Variants in UTRN observed in about 807,000 individuals in gnomAD.
UTRN encodes the protein dystrophin-related protein 1.
In UTRN, 283 loss-of-function variants were observed where a neutral mutation model predicts 463.9. The observed-to-expected ratio is 0.61, with a 90% confidence interval of 0.55 to 0.67. The LOEUF is 0.67. UTRN is among the 30% of genes least tolerant of loss of function. The pLI, the probability that UTRN is intolerant of heterozygous loss-of-function variation, is 0.00. For synonymous variants in UTRN, 1,442 were observed against 1,431.5 expected, an observed-to-expected ratio of 1.01 and a Z score of -0.17; for missense variants, 3,922 against 4,084.3, an observed-to-expected ratio of 0.96 and a Z score of 1.08.
chr6:144,751,609 C>T lies in UTRN; in HGVS notation c.8209-197C>T, dbSNP rs562108736. ...CAGCTCTCCATATATATATGGGTTTCGCATCCTGCAAATACTGTATTTTCC... is the reference window on the plus strand; with the variant it reads ...CAGCTCTCCATATATATATGGGTTTTGCATCCTGCAAATACTGTATTTTCC... On this transcript the variant is annotated intron_variant, in intron 55 of 74. Transcript: ENST00000367545. 2.1e-3 allele frequency among the ~76,000 whole-genome samples: 319 copies of T among 152,184 alleles called. 1 individual carries two copies. The highest frequency in any genetic ancestry group is 7.3e-3 in the African/African-American group (302 of 41,534).
chr6:144,638,952 G>A (rs1777485947), intron 51 of UTRN, among the ~76,000 whole-genome samples: 1 of 152,158 alleles, frequency 6.6e-6, no homozygotes, highest in Non-Finnish European at 1.5e-5. Context: ...GCTCATGCCT[G>A]TAGTCCTAGC....
At chr6:144,522,979 T>C (rs1483756748) in intron 40 of UTRN, 37 bp from the exon 41 acceptor site, 3 of 1,463,466 alleles carry the variant, frequency 2.0e-6, no homozygotes, top group Non-Finnish European at 2.7e-6. Context: ...TTTGTTACTT[T>C]GCTGGATTTT....
chr6:144,414,658 A>G (rs928677541), intron 3 of UTRN, among the ~76,000 whole-genome samples: 5 of 151,564 alleles, frequency 3.3e-5, no homozygotes, highest in Admixed American at 6.6e-5. Context: ...ACCCAGAGCA[A>G]TTTCTAGTCC....
At chr6:144,383,710 G>A (rs1412447126) in intron 2 of UTRN, among the ~76,000 whole-genome samples, 1 of 152,198 alleles carries the variant, frequency 6.6e-6, no homozygotes, top group Non-Finnish European at 1.5e-5. Context: ...GATTAATCTT[G>A]TAAGTGAGAA....
rs1202066063 is a variant in UTRN at position 144,852,228 on chromosome 6, A to T, written c.*1231A>T. 6.6e-6 allele frequency: 1 copy of T among 152,168 alleles called. No homozygotes were observed. The highest frequency in any genetic ancestry group is 1.5e-5 in the Non-Finnish European group (1 of 68,020). The allele number at this position is 152,168 out of a possible 1,614,324, so 9.4% of individuals were successfully genotyped here. A position where few individuals can be genotyped will look rare whatever the true frequency, so the allele number is the denominator to read the frequency against. On this transcript the variant is annotated 3_prime_UTR_variant, in exon 75 of 75. Transcript: ENST00000367545. The stretch of plus-strand genomic sequence containing the variant: ...CTGCTTCTACAGAAGAATGAAATTA[A>T]TGCTTAGGTGATGGTACCTCCACCT...
chr6:144,586,595 A>G (rs1163266880), intron 51 of UTRN, among the ~76,000 whole-genome samples: 1 of 152,154 alleles, frequency 6.6e-6, no homozygotes, highest in Non-Finnish European at 1.5e-5. Flanking sequence ...TTACGTGATT[A>G]CTTTGGGGTG....
chr6:144,750,466 T>G (rs1330899717), intron 55 of UTRN, among the ~76,000 whole-genome samples: 1 of 152,122 alleles, frequency 6.6e-6, no homozygotes, highest in Non-Finnish European at 1.5e-5. Context: ...ACTTTACACA[T>G]GTTGACTTCA....
In UTRN at chr6:144,513,951, C is replaced by T. The variant is rs999408918; in HGVS notation, c.4987C>T (p.His1663Tyr). 128 of 1,613,836 alleles carry T rather than the reference C, an allele frequency of 7.9e-5. No individual in the cohort carries two copies. The highest frequency in any genetic ancestry group is 1.1e-4 in the Non-Finnish European group (127 of 1,179,952). The change falls in exon 36 of 75, where the codon CAC (histidine) becomes TAC (tyrosine). Residue 1663 changes from histidine to tyrosine, a missense_variant. Transcript: ENST00000367545. ...QLEIFDGNVA[H>Y]ISTWLYQAEA... ...AGAAATATTTGATGGGAACGTGGCTCACATAAGTACCTGGCTTTATCAAGC... is the reference window on the plus strand; with the variant it reads ...AGAAATATTTGATGGGAACGTGGCTTACATAAGTACCTGGCTTTATCAAGC...
intron 57 of UTRN, among the ~76,000 whole-genome samples, chr6:144,755,245 G>C (rs1791860918): frequency 6.6e-6 from 1 of 152,106 alleles, no homozygotes; most frequent in African/African-American, 2.4e-5. Context: ...GGAAGATTTT[G>C]ATTTATTAGG....
At chr6:144,367,107 C>A (rs1779579099) in intron 2 of UTRN, among the ~76,000 whole-genome samples, 1 of 152,100 alleles carries the variant, frequency 6.6e-6, no homozygotes, top group African/African-American at 2.4e-5. Context: ...CCTCAGTGTC[C>A]AGAGTAGCTG....
chr6:144,533,823 A>G (rs1030279235), intron 43 of UTRN, among the ~76,000 whole-genome samples: 1 of 151,996 alleles, frequency 6.6e-6, no homozygotes, highest in Non-Finnish European at 1.5e-5. Context: ...TTGTTTTGCA[A>G]TTGGAATATA....
At chr6:144,505,888 A>G (rs1794652193) in intron 34 of UTRN, among the ~76,000 whole-genome samples, 1 of 152,130 alleles carries the variant, frequency 6.6e-6, no homozygotes, top group Admixed American at 6.6e-5. Context: ...GTGGAAGTCT[A>G]AGTCTCTTTG....
At chr6:144,428,983 A>G in intron 8 of UTRN, 90 bp downstream of exon 8, 1 of 820,256 alleles carries the variant, frequency 1.2e-6, no homozygotes, top group Admixed American at 3.2e-5. Flanking sequence ...TTAAAAATGA[A>G]TTATGAGACT....
chr6:144,450,997 T>C (rs922627629), intron 17 of UTRN, among the ~76,000 whole-genome samples: 6 of 151,980 alleles, frequency 3.9e-5, no homozygotes, highest in South Asian at 2.1e-4. Flanking sequence ...CCTATAATCC[T>C]AGCTACTCGG....
At chr6:144,800,511 T>C (rs917150715) in intron 64 of UTRN, among the ~76,000 whole-genome samples, 6 of 152,166 alleles carry the variant, frequency 3.9e-5, no homozygotes, top group Non-Finnish European at 8.8e-5. Context: ...ATTCAGGAGA[T>C]AGTGTATTGA....
intron 34 of UTRN, 65 bp downstream of exon 34, chr6:144,499,492 C>T (rs1287236654): frequency 1.4e-6 from 2 of 1,431,480 alleles, no homozygotes; most frequent in African/African-American, 2.8e-5. Context: ...GTTCGGGCGA[C>T]CTGGTTGGAT....
chr6:144,818,279 T>C (rs1586698798), intron 65 of UTRN, among the ~76,000 whole-genome samples: 1 of 152,162 alleles, frequency 6.6e-6, no homozygotes, highest in Non-Finnish European at 1.5e-5. Context: ...AGGCGAAGGG[T>C]CATGGGTACA....
At chr6:144,717,942 C>T (rs976173773) in intron 53 of UTRN, among the ~76,000 whole-genome samples, 2 of 152,006 alleles carry the variant, frequency 1.3e-5, no homozygotes, top group African/African-American at 4.8e-5. Flanking sequence ...GCCTGAGCCA[C>T]TGCACCTGGC....
At chr6:144,837,225 A>G (rs1781177144) in intron 71 of UTRN, 1 of 152,384 alleles carries the variant, frequency 6.6e-6, no homozygotes, top group Non-Finnish European at 1.5e-5. Context: ...AATTGATTCT[A>G]TAACTCATCG....
Sources: gnomAD v4.1 joint callset for allele counts (sites outside exome capture counted in the v4.1 genomes callset) on GRCh38, gnomAD v4.1.1 for gene constraint, MANE v1.5 for transcripts, NCBI Gene and HGNC (gene_info 2026-07-23, HGNC 2026-07-21) for gene names.